SEMA6D: variants seen among roughly 807,000 people sequenced by gnomAD.
SEMA6D encodes the protein semaphorin 6D, also known as semaphorin-6D.
In SEMA6D, 35 loss-of-function variants were observed where a neutral mutation model predicts 106.6. The ratio of observed to expected loss-of-function variants is 0.33; its 90% CI spans 0.25 to 0.44. The LOEUF is 0.44. Among genes scored for constraint, SEMA6D ranks in the 20% least tolerant of loss-of-function variants. SEMA6D has a pLI of 1.00. For synonymous variants in SEMA6D, 499 were observed against 487.7 expected (o/e 1.02, Z -0.31); for missense variants, 1,185 against 1,345.9 (o/e 0.88, Z 1.87).
intron 1 of SEMA6D, among the ~76,000 whole-genome samples, chr15:47,362,166 T>G (rs2038835494): frequency 6.6e-6 from 1 of 151,950 alleles, no homozygotes; most frequent in African/African-American, 2.4e-5. Context: ...ATGCATGGGA[T>G]GGAGACACAA....
At chr15:47,683,254 G>A (rs140710093) in intron 4 of SEMA6D, among the ~76,000 whole-genome samples, 69 of 152,072 alleles carry the variant, frequency 4.5e-4, no homozygotes, top group Non-Finnish European at 7.9e-4. Context: ...TTATTTCCTC[G>A]GTATGTCCAT....
chr15:47,758,592 T>C (rs2081897384), intron 1 of SEMA6D, among the ~76,000 whole-genome samples: 1 of 152,226 alleles, frequency 6.6e-6, no homozygotes, highest in Non-Finnish European at 1.5e-5. Context: ...TATAATGCAA[T>C]TAATGCTGTG....
Position 47,771,393 on chromosome 15 carries a change from C to T in SEMA6D, c.2830C>T (p.Arg944Ter). ...TCTCCCCAGAAATAGCCCAACCAAGCGAGTGGATGTCCCCACCACTCCTGG... is the reference window on the plus strand; with the variant it reads ...TCTCCCCAGAAATAGCCCAACCAAGTGAGTGGATGTCCCCACCACTCCTGG... ...STLPRNSPTK[R>*]VDVPTTPGVP... Residue 944 changes from arginine (R) to a stop codon, truncating the protein, a stop_gained, in exon 19 of 19, where the codon CGA becomes TGA. Transcript: ENST00000536845. LOFTEE classifies it high-confidence loss of function. The T allele has an allele frequency of 6.2e-7, 1 of 1,614,020 alleles. No individual in the cohort carries two copies. The highest frequency in any genetic ancestry group is 8.5e-7 in the Non-Finnish European group (1 of 1,179,988).
At chr15:47,195,357 T>G (rs1894266423) in intron 1 of SEMA6D, among the ~76,000 whole-genome samples, 1 of 152,170 alleles carries the variant, frequency 6.6e-6, no homozygotes, top group Non-Finnish European at 1.5e-5. Flanking sequence ...TCTGCCCAGA[T>G]AAGTCTAACT....
At chr15:47,760,713 C>A (rs539960965) in intron 3 of SEMA6D, among the ~76,000 whole-genome samples, 6 of 152,004 alleles carry the variant, frequency 3.9e-5, no homozygotes, top group African/African-American at 7.2e-5. Context: ...ATTATTCAAG[C>A]AAATATTAGA....
At chr15:47,260,037 A>G (rs1555412007) in intron 1 of SEMA6D, among the ~76,000 whole-genome samples, 1 of 150,344 alleles carries the variant, frequency 6.7e-6, no homozygotes, top group Non-Finnish European at 1.5e-5. Context: ...TTCCAGTTCT[A>G]TAATTTCTAT....
chr15:47,667,735 C>T (rs2078055464), intron 4 of SEMA6D, among the ~76,000 whole-genome samples: 1 of 152,138 alleles, frequency 6.6e-6, no homozygotes, highest in Non-Finnish European at 1.5e-5. Context: ...TCTTTTATAA[C>T]AGCACTCACC....
intron 4 of SEMA6D, among the ~76,000 whole-genome samples, chr15:47,640,406 C>G (rs750863814): frequency 2.6e-5 from 4 of 152,144 alleles, no homozygotes; most frequent in Non-Finnish European, 5.9e-5. Flanking sequence ...GCTGTGTTTT[C>G]TAGAGCAGCT....
At chr15:47,286,642 G>A (rs1385968576) in intron 1 of SEMA6D, among the ~76,000 whole-genome samples, 2 of 152,014 alleles carry the variant, frequency 1.3e-5, no homozygotes, top group African/African-American at 4.8e-5. Context: ...GTTATGTGAA[G>A]TACATAAAAT....
chr15:47,768,721 A>C lies in SEMA6D; in HGVS notation c.1906A>C (p.Thr636Pro), dbSNP rs2082476194. 2.5e-6 allele frequency: 4 copies of C among 1,613,300 alleles called. No homozygotes were observed. In the African/African-American group the frequency reaches 5.3e-5, roughly 22 times the overall value. ...VQDDPNTSDF[T>P]DPLSGIPKGV... ...AGATGATCCAAACACTTCTGATTTTACTGATCCTTTATCGGGTATCCCAAA... is the reference window on the plus strand; with the variant it reads ...AGATGATCCAAACACTTCTGATTTTCCTGATCCTTTATCGGGTATCCCAAA... Residue 636 changes from threonine to proline, a missense_variant, in exon 18 of 19, where the codon ACT (threonine) becomes CCT (proline). Thr to Pro is a conservative substitution (Grantham distance 38). This residue lies in a region of SEMA6D where 750 missense variants were observed against 783.5 expected (regional missense o/e 0.96). Coordinates refer to ENST00000536845, the MANE Select transcript of SEMA6D (RefSeq NM_001358351.3).
intron 4 of SEMA6D, among the ~76,000 whole-genome samples, chr15:47,606,057 G>T (rs1026468197): frequency 6.6e-6 from 1 of 152,170 alleles, no homozygotes; most frequent in South Asian, 2.1e-4. Context: ...CTAGAGGCTT[G>T]CTAAGAGTTG....
At position 47,203,019 on chromosome 15, in the gene SEMA6D, G is replaced by A. The variant is rs1340177535; in HGVS notation, c.-239+18601G>A. ...AGAAGGCAAAATATTTATATAATTA[G>A]ATCCTTAATTGTTTTTTAAAAAGTT... On this transcript the variant is annotated intron_variant, in intron 1 of 19. Transcript: ENST00000558014. Among the ~76,000 whole-genome samples the A allele has an allele frequency of 2.0e-5, 3 of 152,090 alleles. No homozygotes were observed. The East Asian group carries it at 5.8e-4, about 29-fold the overall frequency.
At chr15:47,469,449 C>T (rs2042765940) in intron 2 of SEMA6D, among the ~76,000 whole-genome samples, 1 of 151,998 alleles carries the variant, frequency 6.6e-6, no homozygotes, top group African/African-American at 2.4e-5. Flanking sequence ...CAGGACACTT[C>T]AACCTGTTCA....
At chr15:47,382,666 C>A (rs1229020198) in intron 1 of SEMA6D, among the ~76,000 whole-genome samples, 1 of 152,228 alleles carries the variant, frequency 6.6e-6, no homozygotes, top group Non-Finnish European at 1.5e-5. Context: ...AGGTTTCTGT[C>A]CTCACAGAAT....
rs549996401 is a variant in SEMA6D at position 47,344,720 on chromosome 15, A to G, written c.-238-67673A>G. On this transcript the variant is annotated intron_variant, in intron 1 of 19. Coordinates refer to the SEMA6D transcript ENST00000558014. ...CAATGTTGTACTGGATGTTCCAACT[A>G]GCAAAATATGGCAAGAAGAAAAGGT... Among the ~76,000 whole-genome samples, 202 of 152,340 alleles carry G rather than the reference A, an allele frequency of 1.3e-3. 2 individuals carry two copies. Among genetic ancestry groups the G allele is most frequent in the African/African-American group, 4.8e-3 (198 of 41,588 alleles).
chr15:47,227,949 T>TA (rs71118162), intron 1 of SEMA6D, among the ~76,000 whole-genome samples: 480 of 67,834 alleles, frequency 7.1e-3, no homozygotes, highest in Admixed American at 0.013. Context: ...ATATATATTT[T>TA]TATATGTAAG....
intron 1 of SEMA6D, among the ~76,000 whole-genome samples, chr15:47,369,293 G>C (rs1203826398): frequency 6.6e-6 from 1 of 152,222 alleles, no homozygotes; most frequent in Non-Finnish European, 1.5e-5. Context: ...GTCGAAAGTT[G>C]CATCTGGCTT....
At chr15:47,207,993 G>GCGCGCACACACACACA (rs1424944556) in intron 1 of SEMA6D, among the ~76,000 whole-genome samples, 31 of 89,452 alleles carry the variant, frequency 3.5e-4, no homozygotes, top group African/African-American at 6.9e-4. Flanking sequence ...TGGCGCGCGC[G>GCGCGCACACACACACA]CACACACACA....
intron 1 of SEMA6D, among the ~76,000 whole-genome samples, chr15:47,333,118 TGAAA>T (rs1453950438): frequency 6.6e-6 from 1 of 152,174 alleles, no homozygotes; most frequent in Non-Finnish European, 1.5e-5. Context: ...GTGAGCGAGG[TGAAA>T]GAGTGAGTTT....
Sources: gnomAD v4.1 joint callset for allele counts (sites outside exome capture counted in the v4.1 genomes callset) on GRCh38, gnomAD v4.1.1 for gene constraint, gnomAD v4.1.1 regional missense constraint, MANE v1.5 for transcripts, NCBI Gene and HGNC (gene_info 2026-07-23, HGNC 2026-07-21) for gene names.